RBM27: variants seen among roughly 807,000 people sequenced by gnomAD.
The protein encoded by RBM27 is RNA binding motif protein 27, also known as RNA-binding protein 27.
In RBM27, 22 loss-of-function variants were observed where a neutral mutation model predicts 135.3. The observed-to-expected ratio is 0.16, with a 90% confidence interval of 0.12 to 0.23. RBM27 has a LOEUF of 0.23. Among genes scored for constraint, RBM27 ranks in the 10% least tolerant of loss-of-function variants. The pLI is 1.00. For missense variants in RBM27, 1,009 were observed against 1,281.0 expected (o/e 0.79, Z 3.24); for synonymous variants, 481 against 442.4 (o/e 1.09, Z -1.10).
At position 146,241,254 on chromosome 5, in the gene RBM27, T is replaced by A. The variant is rs558025481; in HGVS notation, c.1279+3822T>A. Among the ~76,000 whole-genome samples, 7 of 152,352 alleles carry A rather than the reference T, an allele frequency of 4.6e-5. No individual in the cohort carries two copies. In the South Asian group the frequency reaches 1.4e-3, roughly 32 times the overall value. ...TAAATATTCCATTTGGTTTTAATTT[T>A]TAAAACTCTGGCAGTTACCATTTAT... On this transcript the variant is annotated intron_variant, in intron 8 of 20. Coordinates refer to ENST00000265271, the MANE Select transcript of RBM27 (RefSeq NM_018989.2).
intron 15 of RBM27, among the ~76,000 whole-genome samples, chr5:146,268,347 A>T (rs1758711227): frequency 6.6e-6 from 1 of 150,860 alleles, no homozygotes; most frequent in Non-Finnish European, 1.5e-5. Context: ...GGTTCAAGCG[A>T]TTCTCCTGCC....
rs202070436 is a variant in RBM27 at position 146,229,877 on chromosome 5, C to G, written c.556C>G (p.Arg186Gly). The G allele has an allele frequency of 6.2e-7, 1 of 1,613,756 alleles. No individual in the cohort carries two copies. The highest frequency in any genetic ancestry group is 8.5e-7 in the Non-Finnish European group (1 of 1,179,870). Reference sequence around the variant, plus strand: ...TCGCAGTAGAAGCCGAAGTAGGGGGCGCAGCAAAGACCGGGATCCAAATAG... The same window carrying G: ...TCGCAGTAGAAGCCGAAGTAGGGGGGGCAGCAAAGACCGGGATCCAAATAG... ...LSRSRSRSRG[R>G]SKDRDPNRNV... The change falls in exon 5 of 21, where the codon CGC becomes GGC. Residue 186 changes from arginine (R) to glycine (G), a missense_variant. Coordinates refer to ENST00000265271, the MANE Select transcript of RBM27 (RefSeq NM_018989.2).
chr5:146,217,883 G>A (rs1266982767), intron 1 of RBM27, among the ~76,000 whole-genome samples: 1 of 151,816 alleles, frequency 6.6e-6, no homozygotes, highest in South Asian at 2.1e-4. Context: ...TCAGCCTCCC[G>A]AGTAGCTGGG....
chr5:146,218,970 T>C lies in RBM27; in HGVS notation c.60-15T>C. The C allele has an allele frequency of 1.3e-6, 2 of 1,544,014 alleles. No individual in the cohort carries two copies. The highest frequency in any genetic ancestry group is 1.8e-6 in the Non-Finnish European group (2 of 1,140,230). ...AGTGTTTTTTAAAATTTTTGTTTTC[T>C]CTTTGTCTAACTAGATGTGATGCTG... On this transcript the variant is annotated splice_polypyrimidine_tract_variant and intron_variant, in intron 1 of 20. Transcript: ENST00000265271.
intron 8 of RBM27, among the ~76,000 whole-genome samples, chr5:146,240,198 TC>T (rs1187584604): frequency 1.3e-5 from 2 of 151,250 alleles, no homozygotes; most frequent in Middle Eastern, 3.2e-3. Flanking sequence ...GGCTCAACTT[TC>T]CCCCCCAATC....
intron 9 of RBM27, among the ~76,000 whole-genome samples, chr5:146,252,470 T>C (rs960090502): frequency 1.3e-5 from 2 of 152,240 alleles, no homozygotes; most frequent in African/African-American, 4.8e-5. Flanking sequence ...TTAATTGGTG[T>C]TCTGTGTATT....
chr5:146,248,121 A>G (rs1276405361), intron 8 of RBM27, among the ~76,000 whole-genome samples: 2 of 151,678 alleles, frequency 1.3e-5, no homozygotes, highest in Non-Finnish European at 2.9e-5. Context: ...AAGTATCATT[A>G]TGAACTCATG....
intron 1 of RBM27, among the ~76,000 whole-genome samples, chr5:146,210,903 C>T (rs1183022199): frequency 1.3e-5 from 2 of 151,340 alleles, no homozygotes; most frequent in East Asian, 3.9e-4. Flanking sequence ...GCCGAGATTG[C>T]GCCACCGCAC....
At chr5:146,271,419 T>C in intron 18 of RBM27, 64 bp from the exon 19 acceptor site, 1 of 1,426,734 alleles carries the variant, frequency 7.0e-7, no homozygotes, top group South Asian at 1.4e-5. Flanking sequence ...AAAAAAAGTT[T>C]TCCTTTGTTT....
At chr5:146,267,553 A>G (rs1161565105) in intron 14 of RBM27, 96 bp from the exon 15 acceptor site, 2 of 765,556 alleles carry the variant, frequency 2.6e-6, no homozygotes, top group Non-Finnish European at 4.2e-6. Flanking sequence ...TCCTAAGAAG[A>G]GTAGAAATAT....
At chr5:146,272,222 A>G (rs564247737) in intron 19 of RBM27, among the ~76,000 whole-genome samples, 1 of 152,352 alleles carries the variant, frequency 6.6e-6, no homozygotes, top group East Asian at 1.9e-4. Context: ...TTAATTTTAA[A>G]TGACTGTATA....
chr5:146,284,917 G>C (rs1430326019), intron 20 of RBM27, among the ~76,000 whole-genome samples, 185 bp downstream of exon 20: 1 of 152,002 alleles, frequency 6.6e-6, no homozygotes, highest in Non-Finnish European at 1.5e-5. Context: ...TGTGTTAGGG[G>C]TTATTTTCTT....
intron 2 of RBM27, among the ~76,000 whole-genome samples, chr5:146,221,328 G>A (rs1032964761): frequency 2.0e-5 from 3 of 152,160 alleles, no homozygotes; most frequent in Admixed American, 2.0e-4. Context: ...GACTAGCACT[G>A]TCCAATAGAA....
chr5:146,270,749 A>C (rs1476430688), intron 17 of RBM27, among the ~76,000 whole-genome samples: 3 of 152,000 alleles, frequency 2.0e-5, no homozygotes, highest in Non-Finnish European at 4.4e-5. Flanking sequence ...TCTAATGCTT[A>C]CTCTTTTTCA....
intron 8 of RBM27, among the ~76,000 whole-genome samples, chr5:146,249,246 T>C (rs894044179): frequency 6.6e-6 from 1 of 151,974 alleles, no homozygotes; most frequent in African/African-American, 2.4e-5. Context: ...GCCTCCCAAA[T>C]TGTTGGGTTT....
chr5:146,280,931 C>G (rs1228681939), intron 19 of RBM27, among the ~76,000 whole-genome samples: 1 of 152,078 alleles, frequency 6.6e-6, no homozygotes, highest in East Asian at 1.9e-4. Context: ...GATCTTGGCT[C>G]ACTGCAGCCT....
In RBM27 at chr5:146,233,613, T is replaced by TCCAGGC; in HGVS notation, c.1023_1028dup (p.Pro357_Gly358dup). On this transcript the variant is annotated inframe_insertion, in exon 7 of 21. Transcript: ENST00000265271. ...GAATGTTAATGCCTCCAATGCCAGG[T>TCCAGGC]CCAGGCCCAGGCCCGGGCCCAGGTC... is the stretch of plus-strand genomic sequence containing the variant. The TCCAGGC allele has an allele frequency of 6.2e-7, 1 of 1,602,446 alleles. No homozygotes were observed. The highest frequency in any genetic ancestry group is 1.4e-5 in the African/African-American group (1 of 74,034).
chr5:146,219,599 C>T (rs1756354123), intron 2 of RBM27, among the ~76,000 whole-genome samples: 1 of 152,160 alleles, frequency 6.6e-6, no homozygotes, highest in East Asian at 1.9e-4. Flanking sequence ...TGTTGCCTCT[C>T]TGACCTTATC....
intron 8 of RBM27, among the ~76,000 whole-genome samples, chr5:146,238,830 C>A (rs1160138233): frequency 6.6e-6 from 1 of 152,080 alleles, no homozygotes; most frequent in Non-Finnish European, 1.5e-5. Context: ...CTGGTTTTAT[C>A]ATTTACTATC....
Sources: gnomAD v4.1 joint callset for allele counts (sites outside exome capture counted in the v4.1 genomes callset) on GRCh38, gnomAD v4.1.1 for gene constraint, MANE v1.5 for transcripts, NCBI Gene and HGNC (gene_info 2026-07-23, HGNC 2026-07-21) for gene names.